Variants in BBS9 observed in about 807,000 individuals in gnomAD.
BBS9 encodes protein PTHB1.
In BBS9, 89 loss-of-function variants were observed where a neutral mutation model predicts 117.7. That is an observed-to-expected ratio of 0.76 (90% CI 0.64 to 0.90). The LOEUF is 0.90. Among genes scored for constraint, BBS9 ranks in the 40% least tolerant of loss-of-function variants. The pLI is 0.00. For missense variants in BBS9, 982 were observed against 1,042.2 expected (o/e 0.94, Z 0.80); for synonymous variants, 379 against 370.9 (o/e 1.02, Z -0.25).
intron 21 of BBS9, among the ~76,000 whole-genome samples, chr7:33,582,817 C>A (rs978644559): frequency 4.3e-4 from 66 of 152,246 alleles, no homozygotes; most frequent in African/African-American, 1.6e-3. Context: ...TTCCCATCCT[C>A]ATACTTTCTT....
Position 33,605,282 on chromosome 7 carries a change from G to A in BBS9, c.*56G>A, listed in dbSNP as rs1789854007. 1 of 1,551,224 alleles carries A rather than the reference G, an allele frequency of 6.4e-7. No homozygotes were observed. The highest frequency in any genetic ancestry group is 8.9e-7 in the Non-Finnish European group (1 of 1,122,892). ...ATCCCCATCTCAAGGCCGAACCTGTGTGAACCTCATGCCAAGCACAGATAT... is the reference window on the plus strand; with the variant it reads ...ATCCCCATCTCAAGGCCGAACCTGTATGAACCTCATGCCAAGCACAGATAT... On this transcript the variant is annotated 3_prime_UTR_variant, in exon 23 of 23. Coordinates refer to ENST00000242067, the MANE Select transcript of BBS9 (RefSeq NM_198428.3).
chr7:33,386,969 TC>T (rs756984312), intron 18 of BBS9, among the ~76,000 whole-genome samples: 4 of 152,148 alleles, frequency 2.6e-5, no homozygotes, highest in Admixed American at 6.5e-5. Flanking sequence ...TATATAGGTT[TC>T]TTTTTTTTAA....
intron 9 of BBS9, among the ~76,000 whole-genome samples, chr7:33,324,791 T>C (rs1381364162): frequency 1.3e-5 from 2 of 152,178 alleles, no homozygotes; most frequent in Non-Finnish European, 2.9e-5. Flanking sequence ...GCTTTAAATA[T>C]ATCATGCTAC....
chr7:33,359,763 A>G (rs1243534927), intron 16 of BBS9, among the ~76,000 whole-genome samples: 2 of 152,092 alleles, frequency 1.3e-5, no homozygotes, highest in Non-Finnish European at 2.9e-5. Flanking sequence ...AAATAAAACA[A>G]CTTTTACTCT....
chr7:33,192,893 G>A (rs888225820), intron 5 of BBS9, among the ~76,000 whole-genome samples: 3 of 152,192 alleles, frequency 2.0e-5, no homozygotes, highest in East Asian at 1.9e-4. Flanking sequence ...TAATCCATTC[G>A]TGAGGGTGAA....
At chr7:33,327,027 G>A (rs142345468) in intron 9 of BBS9, among the ~76,000 whole-genome samples, 14 of 152,052 alleles carry the variant, frequency 9.2e-5, no homozygotes, top group Admixed American at 6.6e-5. Context: ...ATGTCCACTG[G>A]CACTGAGCCC....
At chr7:33,218,187 G>GTTTA (rs1272698507) in intron 5 of BBS9, among the ~76,000 whole-genome samples, 29 of 152,276 alleles carry the variant, frequency 1.9e-4, no homozygotes, top group African/African-American at 6.3e-4. Context: ...ACTGTATATA[G>GTTTA]ATTACATACT....
At chr7:33,514,039 T>A (rs1847364879) in intron 20 of BBS9, among the ~76,000 whole-genome samples, 1 of 152,204 alleles carries the variant, frequency 6.6e-6, no homozygotes, top group African/African-American at 2.4e-5. Flanking sequence ...ACATTTAGAA[T>A]TTGAATTATG....
At chr7:33,577,615 T>C (rs904762611) in intron 21 of BBS9, among the ~76,000 whole-genome samples, 3 of 152,140 alleles carry the variant, frequency 2.0e-5, no homozygotes, top group African/African-American at 7.2e-5. Flanking sequence ...ATGTTTATTG[T>C]GGCACTATTC....
intron 5 of BBS9, among the ~76,000 whole-genome samples, chr7:33,179,067 TG>T (rs1797739268): frequency 6.6e-6 from 1 of 152,186 alleles, no homozygotes; most frequent in Admixed American, 6.5e-5. Context: ...TGATTTTTAC[TG>T]TTCTTTGAAA....
At position 33,131,205 on chromosome 7, in the gene BBS9, A is replaced by G. The variant is rs113416823; in HGVS notation, c.-12+1164A>G. On this transcript the variant is annotated intron_variant, in intron 1 of 22. Transcript: ENST00000242067. ...ACCACCGTCTCTTTCAACTACCACT[A>G]CTACCACTGTCTCTCCTACTAGCAC... is the stretch of plus-strand genomic sequence containing the variant. Among the ~76,000 whole-genome samples the G allele has an allele frequency of 5.9e-5, 9 of 152,262 alleles. 1 individual carries two copies. The highest frequency in any genetic ancestry group is 2.2e-4 in the African/African-American group (9 of 41,542).
chr7:33,343,417 C>G (rs140679829), intron 11 of BBS9, among the ~76,000 whole-genome samples: 2 of 152,184 alleles, frequency 1.3e-5, no homozygotes, highest in East Asian at 3.9e-4. Flanking sequence ...AGGTGACGCT[C>G]AAAGAATGCC....
intron 17 of BBS9, among the ~76,000 whole-genome samples, chr7:33,370,476 A>G (rs1822649458): frequency 6.6e-6 from 1 of 152,160 alleles, no homozygotes; most frequent in Non-Finnish European, 1.5e-5. Flanking sequence ...TCTCAAAAAA[A>G]AAAGTAGTGC....
At chr7:33,156,526 T>G (rs189068986) in intron 4 of BBS9, among the ~76,000 whole-genome samples, 1 of 152,358 alleles carries the variant, frequency 6.6e-6, no homozygotes, top group Non-Finnish European at 1.5e-5. Flanking sequence ...TGTATTTTGC[T>G]TTCAATTTGA....
At chr7:33,432,077 C>T (rs1334747714) in intron 19 of BBS9, among the ~76,000 whole-genome samples, 9 of 150,126 alleles carry the variant, frequency 6.0e-5, no homozygotes, top group Non-Finnish European at 1.2e-4. Flanking sequence ...GATTTTTTTT[C>T]TTTCTTTCTT....
At chr7:33,485,132 T>C (rs908122260) in intron 19 of BBS9, among the ~76,000 whole-genome samples, 1 of 152,056 alleles carries the variant, frequency 6.6e-6, no homozygotes, top group African/African-American at 2.4e-5. Flanking sequence ...CAACACACAC[T>C]GGGACCTGTC....
chr7:33,473,409 C>T (rs1241621105), intron 19 of BBS9, among the ~76,000 whole-genome samples: 6 of 150,640 alleles, frequency 4.0e-5, no homozygotes, highest in East Asian at 2.0e-4. Context: ...CTGCAACTTC[C>T]GCCTCCTGGG....
chr7:33,540,976 C>A (rs1343855378), intron 21 of BBS9, among the ~76,000 whole-genome samples: 1 of 152,204 alleles, frequency 6.6e-6, no homozygotes, highest in East Asian at 1.9e-4. Flanking sequence ...TACAATGAGA[C>A]AGGTTTCCTC....
chr7:33,233,547 A>G (rs1045365135), intron 5 of BBS9, among the ~76,000 whole-genome samples: 2 of 152,130 alleles, frequency 1.3e-5, no homozygotes, highest in African/African-American at 4.8e-5. Flanking sequence ...TTCATACACT[A>G]TGTTTTCTGT....
Sources: gnomAD v4.1 joint callset for allele counts (sites outside exome capture counted in the v4.1 genomes callset) on GRCh38, gnomAD v4.1.1 for gene constraint, MANE v1.5 for transcripts, NCBI Gene and HGNC (gene_info 2026-07-23, HGNC 2026-07-21) for gene names.